GRID2: variants seen among roughly 807,000 people sequenced by gnomAD.
GRID2 encodes the protein glutamate ionotropic receptor delta type subunit 2.
A neutral mutation model predicts 114.8 loss-of-function variants in GRID2; 33 were observed. The observed-to-expected ratio is 0.29, with a 90% CI of 0.22 to 0.38. GRID2 has a LOEUF of 0.38. Among genes scored for constraint, GRID2 ranks in the 10% least tolerant of loss-of-function variants. GRID2 has a pLI of 1.00. For synonymous variants in GRID2, 505 were observed against 449.9 expected (o/e 1.12, Z -1.55); for missense variants, 1,184 against 1,257.7 (o/e 0.94, Z 0.89).
chr4:92,998,310 C>A (rs1321400173), intron 2 of GRID2, among the ~76,000 whole-genome samples: 1 of 151,924 alleles, frequency 6.6e-6, no homozygotes, highest in Non-Finnish European at 1.5e-5. Flanking sequence ...GTATTTTGAA[C>A]TATTTTCACT....
intron 9 of GRID2, among the ~76,000 whole-genome samples, chr4:93,397,388 A>G (rs771687433): frequency 2.1e-5 from 3 of 144,360 alleles, no homozygotes; most frequent in Non-Finnish European, 3.2e-5. Context: ...ACAGCAAATT[A>G]TTAATAGTCT....
intron 2 of GRID2, among the ~76,000 whole-genome samples, chr4:92,941,568 T>G (rs903122255): frequency 9.2e-5 from 14 of 152,210 alleles, no homozygotes; most frequent in African/African-American, 3.1e-4. Context: ...CTCTATTTCC[T>G]TCAGTTCTGC....
exon 2 of GRID2, chr4:93,807,112 G>T (rs765092880): frequency 6.6e-6 from 1 of 152,228 alleles, no homozygotes; most frequent in Non-Finnish European, 1.5e-5. Flanking sequence ...TCTTGCCTGC[G>T]CCAGCCCATT....
chr4:92,791,730 T>C (rs1277441024), intron 2 of GRID2, among the ~76,000 whole-genome samples: 1 of 151,826 alleles, frequency 6.6e-6, no homozygotes, highest in Non-Finnish European at 1.5e-5. Context: ...AGTTTCCAGG[T>C]GAGATATGCA....
chr4:92,843,242 C>T (rs540032696), intron 2 of GRID2, among the ~76,000 whole-genome samples: 3 of 149,632 alleles, frequency 2.0e-5, no homozygotes, highest in South Asian at 4.2e-4. Context: ...ACTCTGTCTC[C>T]GAAAAAAAAT....
At chr4:93,109,602 A>G (rs545354416) in intron 3 of GRID2, among the ~76,000 whole-genome samples, 1 of 152,070 alleles carries the variant, frequency 6.6e-6, no homozygotes, top group African/African-American at 2.4e-5. Flanking sequence ...GGAAGCACAC[A>G]CTATTAAGGA....
At chr4:93,524,547 A>G (rs1212489357) in intron 13 of GRID2, among the ~76,000 whole-genome samples, 1 of 151,878 alleles carries the variant, frequency 6.6e-6, no homozygotes, top group Non-Finnish European at 1.5e-5. Flanking sequence ...GTTTTTAACA[A>G]TCCTCATGGA....
At chr4:93,293,971 G>T (rs985050751) in intron 8 of GRID2, among the ~76,000 whole-genome samples, 1 of 152,148 alleles carries the variant, frequency 6.6e-6, no homozygotes, top group African/African-American at 2.4e-5. Context: ...GATCACAGAC[G>T]GCGATTATGC....
At chr4:92,364,006 G>A (rs149621400) in intron 1 of GRID2, among the ~76,000 whole-genome samples, 2,613 of 151,714 alleles carry the variant, frequency 0.017, 33 homozygotes, top group Non-Finnish European at 0.026. Context: ...TTTTAGTAGA[G>A]ATGGGGATTT....
chr4:92,738,557 AAATT>A (rs1415406729), intron 2 of GRID2, among the ~76,000 whole-genome samples: 10 of 152,322 alleles, frequency 6.6e-5, no homozygotes, highest in Non-Finnish European at 1.3e-4. Flanking sequence ...AAACAATAAA[AAATT>A]AATGTTTTTA....
intron 14 of GRID2, among the ~76,000 whole-genome samples, chr4:93,733,576 G>A (rs945517858): frequency 1.3e-5 from 2 of 152,074 alleles, no homozygotes; most frequent in African/African-American, 2.4e-5. Flanking sequence ...ATGTCACTCT[G>A]TCTGTCTACC....
At chr4:92,923,779 G>A (rs192465765) in intron 2 of GRID2, among the ~76,000 whole-genome samples, 182 of 152,264 alleles carry the variant, frequency 1.2e-3, no homozygotes, top group African/African-American at 4.0e-3. Flanking sequence ...TACAGAGACT[G>A]CGACATTGAA....
chr4:93,262,932 A>C (rs935514736), intron 8 of GRID2, among the ~76,000 whole-genome samples: 1 of 151,884 alleles, frequency 6.6e-6, no homozygotes, highest in African/African-American at 2.4e-5. Context: ...CTTTCACCAG[A>C]AGTTATGAAA....
At chr4:93,654,460 G>A (rs559669588) in intron 14 of GRID2, among the ~76,000 whole-genome samples, 1 of 152,180 alleles carries the variant, frequency 6.6e-6, no homozygotes, top group East Asian at 1.9e-4. Flanking sequence ...ACATTATGTT[G>A]TCAGTCACTT....
intron 4 of GRID2, among the ~76,000 whole-genome samples, chr4:93,148,345 A>T (rs1736438993): frequency 6.6e-6 from 1 of 152,182 alleles, no homozygotes; most frequent in Admixed American, 6.5e-5. Context: ...TATAAATCTT[A>T]TATATTAGTA....
At chr4:92,550,583 G>A (rs1442921682) in intron 1 of GRID2, among the ~76,000 whole-genome samples, 2 of 152,078 alleles carry the variant, frequency 1.3e-5, no homozygotes, top group African/African-American at 4.8e-5. Flanking sequence ...TATTCAGACT[G>A]GTTTGGCAGG....
intron 1 of GRID2, among the ~76,000 whole-genome samples, chr4:92,561,053 T>C (rs574778327): frequency 1.3e-5 from 2 of 152,258 alleles, no homozygotes; most frequent in Admixed American, 6.5e-5. Context: ...CACCCTCCTT[T>C]GATATCTTCC....
chr4:93,456,840 C>T (rs1184526063), intron 11 of GRID2, among the ~76,000 whole-genome samples: 2 of 152,052 alleles, frequency 1.3e-5, no homozygotes, highest in East Asian at 3.9e-4. Flanking sequence ...TTTTTCTATT[C>T]TAATTTAATC....
At chr4:92,987,093 C>T (rs1488799853) in intron 2 of GRID2, among the ~76,000 whole-genome samples, 4 of 152,162 alleles carry the variant, frequency 2.6e-5, no homozygotes, top group Non-Finnish European at 5.9e-5. Context: ...CTATTTATAA[C>T]TGATTTACAT....
Sources: gnomAD v4.1 joint callset for allele counts (sites outside exome capture counted in the v4.1 genomes callset) on GRCh38, gnomAD v4.1.1 for gene constraint, MANE v1.5 for transcripts, NCBI Gene and HGNC (gene_info 2026-07-23, HGNC 2026-07-21) for gene names.